Variants in SLC35F1 observed in about 807,000 individuals in gnomAD.
SLC35F1 encodes the protein solute carrier family 35 member F1, also known as chromosome 6 open reading frame 169.
SLC35F1 carries 14 observed loss-of-function variants against 48.7 expected under a neutral mutation model. The observed-to-expected ratio is 0.29, with a 90% CI of 0.19 to 0.45. The LOEUF (loss-of-function observed/expected upper bound fraction) is 0.45. Ranked by LOEUF, SLC35F1 falls within the 20% of genes least tolerant of loss-of-function variation. The probability of loss-of-function intolerance (pLI) is 1.00; values close to 1 mark genes in which losing one functional copy is unlikely to be tolerated. For missense variants in SLC35F1, 404 were observed against 500.0 expected (o/e 0.81, Z 1.83); for synonymous variants, 190 against 202.2 (o/e 0.94, Z 0.51).
chr6:117,923,651 G>GTACATATATACATATGTACATATA (rs1554216681), intron 1 of SLC35F1, among the ~76,000 whole-genome samples: 1 of 17,502 alleles, frequency 5.7e-5, no homozygotes, highest in Admixed American at 7.3e-4. Flanking sequence ...ATGTACATAT[G>GTACATATATACATATGTACATATA]TACATATGTA....
intron 1 of SLC35F1, among the ~76,000 whole-genome samples, chr6:118,149,670 T>G (rs571447754): frequency 4.6e-5 from 7 of 152,172 alleles, no homozygotes; most frequent in Non-Finnish European, 8.8e-5. Context: ...CTCATTAGCA[T>G]GACGAATAAA....
At chr6:118,023,133 A>G (rs1216172343) in intron 1 of SLC35F1, among the ~76,000 whole-genome samples, 4 of 152,154 alleles carry the variant, frequency 2.6e-5, no homozygotes, top group Non-Finnish European at 5.9e-5. Context: ...GTCATTTAAT[A>G]TGTGGGCTTG....
intron 2 of SLC35F1, among the ~76,000 whole-genome samples, chr6:118,196,523 C>CT (rs1774802591): frequency 6.6e-6 from 1 of 151,980 alleles, no homozygotes; most frequent in South Asian, 2.1e-4. Context: ...CGAGACTAGC[C>CT]TGGCCAACGT....
At chr6:118,055,052 G>A (rs997403714) in intron 1 of SLC35F1, among the ~76,000 whole-genome samples, 3 of 152,154 alleles carry the variant, frequency 2.0e-5, no homozygotes, top group Non-Finnish European at 2.9e-5. Flanking sequence ...TGGGATTACA[G>A]GTGCGAGCCA....
At chr6:118,263,828 A>G (rs1022037108) in intron 3 of SLC35F1, among the ~76,000 whole-genome samples, 8 of 152,246 alleles carry the variant, frequency 5.3e-5, no homozygotes, top group Non-Finnish European at 8.8e-5. Flanking sequence ...TTATGTGACC[A>G]CGAGGGGAAA....
At chr6:118,113,705 T>C (rs1025394568) in intron 1 of SLC35F1, among the ~76,000 whole-genome samples, 6 of 152,234 alleles carry the variant, frequency 3.9e-5, no homozygotes, top group African/African-American at 1.4e-4. Flanking sequence ...CTTTTCTAAC[T>C]ATACTTTCAG....
intron 1 of SLC35F1, among the ~76,000 whole-genome samples, chr6:117,989,505 A>G (rs1158032479): frequency 2.0e-5 from 3 of 152,196 alleles, no homozygotes; most frequent in African/African-American, 7.2e-5. Context: ...AGGCAGCTTT[A>G]TCTCAAACAT....
chr6:117,968,143 G>A (rs537114258), intron 1 of SLC35F1, among the ~76,000 whole-genome samples: 2 of 152,228 alleles, frequency 1.3e-5, no homozygotes, highest in Non-Finnish European at 2.9e-5. Flanking sequence ...ATGCATTCGT[G>A]TTCAGACAGT....
intron 1 of SLC35F1, among the ~76,000 whole-genome samples, chr6:118,010,560 A>G (rs1360167251): frequency 2.6e-5 from 4 of 152,196 alleles, no homozygotes; most frequent in African/African-American, 9.6e-5. Context: ...AATGCCAGAA[A>G]ATATTAACAC....
chr6:117,992,188 T>C (rs1440459773), intron 1 of SLC35F1, among the ~76,000 whole-genome samples: 1 of 152,136 alleles, frequency 6.6e-6, no homozygotes, highest in Non-Finnish European at 1.5e-5. Context: ...CTTTTTAACT[T>C]CTTGTATATT....
At chr6:118,163,257 C>G (rs906179837) in intron 2 of SLC35F1, among the ~76,000 whole-genome samples, 10 of 152,194 alleles carry the variant, frequency 6.6e-5, no homozygotes, top group Middle Eastern at 3.4e-3. Flanking sequence ...AGCCACCGTG[C>G]CTGGCCAATG....
At chr6:118,106,870 TTGGA>T (rs1773333887) in intron 1 of SLC35F1, among the ~76,000 whole-genome samples, 1 of 152,306 alleles carries the variant, frequency 6.6e-6, no homozygotes, top group East Asian at 1.9e-4. Flanking sequence ...GTCATCTGCT[TTGGA>T]TGTTCTTACC....
chr6:118,150,412 C>T (rs374058713), intron 1 of SLC35F1, among the ~76,000 whole-genome samples: 20 of 152,006 alleles, frequency 1.3e-4, no homozygotes, highest in African/African-American at 4.4e-4. Context: ...ACTATATTGG[C>T]GCATATACAT....
intron 1 of SLC35F1, among the ~76,000 whole-genome samples, chr6:117,916,473 T>C (rs1409992058): frequency 1.3e-5 from 2 of 152,124 alleles, no homozygotes; most frequent in East Asian, 3.9e-4. Context: ...TTCCTCATTG[T>C]GGGGGCATCA....
At chr6:118,202,545 T>C (rs1432414907) in intron 2 of SLC35F1, among the ~76,000 whole-genome samples, 2 of 152,188 alleles carry the variant, frequency 1.3e-5, no homozygotes, top group Non-Finnish European at 2.9e-5. Flanking sequence ...TATTGAGTGA[T>C]TTCTTGAATC....
intron 1 of SLC35F1, among the ~76,000 whole-genome samples, chr6:118,006,871 A>G (rs1484825783): frequency 6.6e-6 from 1 of 152,176 alleles, no homozygotes; most frequent in African/African-American, 2.4e-5. Context: ...TGAATATGTT[A>G]CATGCATGTT....
At chr6:117,951,886 G>A (rs534488376) in intron 1 of SLC35F1, among the ~76,000 whole-genome samples, 5 of 152,184 alleles carry the variant, frequency 3.3e-5, no homozygotes, top group Non-Finnish European at 7.3e-5. Context: ...AATGGACTGC[G>A]CCTAAAGCTA....
intron 1 of SLC35F1, among the ~76,000 whole-genome samples, chr6:118,100,151 A>G (rs929837322): frequency 6.6e-6 from 1 of 152,204 alleles, no homozygotes; most frequent in East Asian, 1.9e-4. Context: ...TATAAGTGAC[A>G]GGAGCTGGAT....
intron 1 of SLC35F1, among the ~76,000 whole-genome samples, chr6:117,996,792 C>G (rs1319908854): frequency 1.3e-5 from 2 of 152,090 alleles, no homozygotes; most frequent in Non-Finnish European, 2.9e-5. Context: ...ACATCACCAT[C>G]ATCAAAGTAG....
Sources: allele counts gnomAD v4.1 joint callset (sites outside exome capture counted in the v4.1 genomes callset), GRCh38; gene constraint gnomAD v4.1.1; transcripts MANE v1.5; gene names NCBI Gene and HGNC (gene_info 2026-07-23, HGNC 2026-07-21).